The following NEK1 variants were observed in gnomAD, a reference collection of about 807,000 sequenced individuals.
The protein encoded by NEK1 is serine/threonine-protein kinase Nek1.
NEK1 carries 137 observed loss-of-function variants against 182.1 expected under a neutral mutation model. The observed-to-expected ratio is 0.75, with a 90% confidence interval of 0.65 to 0.87. NEK1 has a LOEUF of 0.87. NEK1 is among the 40% of genes least tolerant of loss of function. NEK1 has a pLI of 0.00. For synonymous variants in NEK1, 513 were observed against 492.2 expected, an observed-to-expected ratio of 1.04 and a Z score of -0.56; for missense variants, 1,391 against 1,494.4, an observed-to-expected ratio of 0.93 and a Z score of 1.14.
chr4:169,524,513 T>C (rs1328642741), intron 19 of NEK1, among the ~76,000 whole-genome samples: 3 of 149,022 alleles, frequency 2.0e-5, no homozygotes, highest in Non-Finnish European at 3.0e-5. Flanking sequence ...TCTCAGTCTA[T>C]ATACAGTAAA....
rs1183740683 is a variant in NEK1 at position 169,433,635 on chromosome 4, T to C, written c.2795A>G (p.Gln932Arg). 6.2e-7 allele frequency: 1 copy of C among 1,613,478 alleles called. No homozygotes were observed. Among genetic ancestry groups the C allele is most frequent in the Non-Finnish European group, 8.5e-7 (1 of 1,179,584 alleles). Residue 932 changes from glutamine (Q) to arginine (R), a missense_variant, in exon 29 of 36, where the codon CAA (glutamine) becomes CGA (arginine). This residue lies in a region of NEK1 where 1,216 missense variants were observed against 1,277.6 expected (regional missense o/e 0.95). Transcript: ENST00000507142. The stretch of plus-strand genomic sequence containing the variant: ...ATCTTTGTTTGTTCCACTTGGCTCT[T>C]GTAGAATTTCTGTTTCCAAATCATC... ...EPDDLETEIL[Q>R]EPSGTNKDES...
chr4:169,608,726 T>C (rs1278666882), intron 2 of NEK1, among the ~76,000 whole-genome samples: 1 of 152,176 alleles, frequency 6.6e-6, no homozygotes, highest in Non-Finnish European at 1.5e-5. Context: ...ATACAAATTA[T>C]GTTAAAATGT....
intron 23 of NEK1, among the ~76,000 whole-genome samples, chr4:169,494,187 G>T (rs1341370556): frequency 2.0e-5 from 3 of 151,264 alleles, no homozygotes; most frequent in African/African-American, 7.3e-5. Context: ...ACATGTTTGT[G>T]TGCTGCACCC....
chr4:169,431,778 A>G (rs2149405184), intron 29 of NEK1, among the ~76,000 whole-genome samples: 1 of 152,090 alleles, frequency 6.6e-6, no homozygotes, highest in South Asian at 2.1e-4. Flanking sequence ...AAATAAAAAA[A>G]AAAGAAAGAA....
intron 31 of NEK1, among the ~76,000 whole-genome samples, chr4:169,415,814 C>T (rs1296430619): frequency 2.6e-5 from 4 of 152,142 alleles, no homozygotes; most frequent in Admixed American, 6.5e-5. Flanking sequence ...ACTGTCATTA[C>T]ATCTTAGTTT....
chr4:169,499,859 G>A (rs1313743643), intron 23 of NEK1, among the ~76,000 whole-genome samples: 2 of 152,316 alleles, frequency 1.3e-5, no homozygotes, highest in Admixed American at 6.5e-5. Context: ...GGACCCACTT[G>A]AGGAGGCAGT....
chr4:169,586,198 T>A (rs890551145), intron 9 of NEK1, among the ~76,000 whole-genome samples: 9 of 152,052 alleles, frequency 5.9e-5, no homozygotes, highest in Non-Finnish European at 1.3e-4. Flanking sequence ...AAGAGGGCAA[T>A]ATTAAGCTTT....
chr4:169,581,563 G>C (rs1009365763), intron 10 of NEK1, among the ~76,000 whole-genome samples: 35 of 152,162 alleles, frequency 2.3e-4, no homozygotes, highest in Non-Finnish European at 4.4e-5. Context: ...GGGATTAAAG[G>C]TATGTGCCAC....
At chr4:169,453,211 C>A (rs1293481606) in intron 27 of NEK1, among the ~76,000 whole-genome samples, 1 of 152,184 alleles carries the variant, frequency 6.6e-6, no homozygotes, top group Non-Finnish European at 1.5e-5. Context: ...TAGGAAGAAT[C>A]AATATCGTGA....
intron 31 of NEK1, among the ~76,000 whole-genome samples, chr4:169,420,008 G>A (rs925531744): frequency 6.6e-5 from 10 of 152,142 alleles, no homozygotes; most frequent in African/African-American, 1.9e-4. Context: ...GGACATTAGC[G>A]TACACTACTG....
chr4:169,539,922 C>A (rs1030583011), intron 18 of NEK1, among the ~76,000 whole-genome samples: 1 of 152,136 alleles, frequency 6.6e-6, no homozygotes, highest in Non-Finnish European at 1.5e-5. Context: ...CCTGAACTTA[C>A]AATTGGCATA....
At chr4:169,595,922 C>CAAAAAAA (rs56313001) in intron 5 of NEK1, among the ~76,000 whole-genome samples, 1 of 67,204 alleles carries the variant, frequency 1.5e-5, no homozygotes, top group Non-Finnish European at 2.7e-5. Flanking sequence ...GACTCCACCT[C>CAAAAAAA]AAAAAAAAAA....
Position 169,512,197 on chromosome 4 carries a change from TA to T in NEK1, c.1666-3346del, listed in dbSNP as rs773651049. Among the ~76,000 whole-genome samples, 59 of 152,288 alleles carry T rather than the reference TA, an allele frequency of 3.9e-4. 1 individual carries two copies. The South Asian group carries it at 3.9e-3, about 10-fold the overall frequency. On this transcript the variant is annotated intron_variant, in intron 19 of 35. Transcript: ENST00000507142. Reference sequence around the variant, plus strand: ...TTAGTTTAAAAAGGAACTGTGAAACTATTTTGCACAATGGCTGTATCATTTT... The same window carrying T: ...TTAGTTTAAAAAGGAACTGTGAAACTTTTTGCACAATGGCTGTATCATTTT...
At chr4:169,427,688 G>A (rs975087342) in intron 29 of NEK1, among the ~76,000 whole-genome samples, 2 of 151,136 alleles carry the variant, frequency 1.3e-5, no homozygotes, top group Non-Finnish European at 2.9e-5. Context: ...TAGAGATGGG[G>A]TTTTGCCATG....
At chr4:169,611,597 T>A (rs1233042801) in intron 2 of NEK1, among the ~76,000 whole-genome samples, 1 of 152,194 alleles carries the variant, frequency 6.6e-6, no homozygotes, top group Non-Finnish European at 1.5e-5. Flanking sequence ...TATGATAAAC[T>A]CTTAAAGTAG....
intron 8 of NEK1, 85 bp downstream of exon 8, chr4:169,588,564 T>A (rs1261881440): frequency 6.8e-6 from 5 of 733,046 alleles, no homozygotes; most frequent in Non-Finnish European, 1.2e-5. Context: ...TTATTTATTT[T>A]AGAATAGTAT....
intron 27 of NEK1, among the ~76,000 whole-genome samples, chr4:169,448,134 T>TGTGA (rs1740943238): frequency 6.6e-6 from 1 of 151,760 alleles, no homozygotes. Flanking sequence ...GGGAGGCTGA[T>TGTGA]GTGAGATCAC....
Position 169,585,345 on chromosome 4 carries a change from T to C in NEK1, c.807+4A>G. On this transcript the variant is annotated splice_donor_region_variant and intron_variant, in intron 10 of 35. Transcript: ENST00000507142. ...TGTTTAATTTTAAAGGAAAAAGAAC[T>C]TACCTGAGGAGAGAGAAACTTTTCA... 6.2e-7 allele frequency: 1 copy of C among 1,610,040 alleles called. No individual in the cohort carries two copies. The highest frequency in any genetic ancestry group is 2.2e-5 in the East Asian group (1 of 44,798).
At chr4:169,454,382 T>C (rs1035567061) in intron 27 of NEK1, among the ~76,000 whole-genome samples, 1 of 152,088 alleles carries the variant, frequency 6.6e-6, no homozygotes, top group Non-Finnish European at 1.5e-5. Context: ...ACTACCATCA[T>C]AGTCAACAGT....
Sources: gnomAD v4.1 joint callset for allele counts (sites outside exome capture counted in the v4.1 genomes callset) on GRCh38, gnomAD v4.1.1 for gene constraint, gnomAD v4.1.1 regional missense constraint, MANE v1.5 for transcripts, NCBI Gene and HGNC (gene_info 2026-07-23, HGNC 2026-07-21) for gene names.